The following AGBL4 variants were observed in gnomAD, a reference collection of about 807,000 sequenced individuals.
AGBL4 encodes the protein cytosolic carboxypeptidase 6.
AGBL4 carries 58 observed loss-of-function variants against 66.4 expected under a neutral mutation model. The ratio of observed to expected loss-of-function variants is 0.87; its 90% CI spans 0.71 to 1.09. The LOEUF (loss-of-function observed/expected upper bound fraction) is 1.09. Among genes scored for constraint, AGBL4 ranks in the 50% least tolerant of loss-of-function variants. The pLI is 0.00. For synonymous variants in AGBL4, 234 were observed against 222.9 expected, an observed-to-expected ratio of 1.05 and a Z score of -0.44; for missense variants, 579 against 631.0, an observed-to-expected ratio of 0.92 and a Z score of 0.88.
At chr1:49,407,430 G>C (rs892186723) in intron 3 of AGBL4, among the ~76,000 whole-genome samples, 3 of 152,188 alleles carry the variant, frequency 2.0e-5, no homozygotes, top group Admixed American at 6.5e-5. Context: ...GGACTGCCAA[G>C]TCACAGTGCA....
At chr1:49,957,415 G>A (rs1318959620) in intron 1 of AGBL4, among the ~76,000 whole-genome samples, 1 of 151,858 alleles carries the variant, frequency 6.6e-6, no homozygotes, top group Non-Finnish European at 1.5e-5. Flanking sequence ...GGGTATCCTT[G>A]TTAACTTTCT....
At chr1:49,879,261 G>C (rs1647133582) in intron 1 of AGBL4, among the ~76,000 whole-genome samples, 3 of 150,230 alleles carry the variant, frequency 2.0e-5, no homozygotes, top group South Asian at 4.3e-4. Context: ...AGTCTCGATG[G>C]TCTTTACATT....
intron 2 of AGBL4, among the ~76,000 whole-genome samples, chr1:49,810,657 C>T (rs1299726074): frequency 6.6e-6 from 1 of 151,990 alleles, no homozygotes; most frequent in Admixed American, 6.6e-5. Flanking sequence ...GACTGGAATA[C>T]TGGGTAAATA....
intron 1 of AGBL4, among the ~76,000 whole-genome samples, chr1:49,884,370 T>C (rs780683249): frequency 6.6e-6 from 1 of 151,898 alleles, no homozygotes; most frequent in Non-Finnish European, 1.5e-5. Flanking sequence ...GTTATTATTA[T>C]TAGTCATCAT....
intron 4 of AGBL4, among the ~76,000 whole-genome samples, chr1:49,191,812 A>C (rs1204930258): frequency 6.6e-6 from 1 of 152,192 alleles, no homozygotes; most frequent in Non-Finnish European, 1.5e-5. Flanking sequence ...TTATGGCTAC[A>C]TAGTATTCCA....
In AGBL4 at chr1:50,023,564, C is replaced by A. The variant is rs146724821; in HGVS notation, c.34+199G>T. ...CACACTAACCCACACTCCCCTCCACCACCCGGACTTCGAGGTCCCTGCCCG... is the reference window on the plus strand; with the variant it reads ...CACACTAACCCACACTCCCCTCCACAACCCGGACTTCGAGGTCCCTGCCCG... On this transcript the variant is annotated intron_variant, in intron 1 of 13. Transcript: ENST00000371839. 3.1e-3 allele frequency among the ~76,000 whole-genome samples: 469 copies of A among 152,344 alleles called. 4 individuals carry two copies. The highest frequency in any genetic ancestry group is 0.011 in the African/African-American group (454 of 41,590).
intron 4 of AGBL4, among the ~76,000 whole-genome samples, chr1:49,236,887 C>A (rs1394607453): frequency 1.3e-5 from 2 of 152,096 alleles, no homozygotes; most frequent in African/African-American, 4.8e-5. Context: ...ATGGGAGAAA[C>A]CTCGGTGGGG....
chr1:49,407,011 G>A (rs910047557), intron 3 of AGBL4, among the ~76,000 whole-genome samples: 4 of 136,990 alleles, frequency 2.9e-5, no homozygotes, highest in African/African-American at 5.7e-5. Flanking sequence ...CTTGCAGTGA[G>A]CCGAGATAAC....
At chr1:49,758,405 T>C (rs886385349) in intron 2 of AGBL4, among the ~76,000 whole-genome samples, 1 of 151,938 alleles carries the variant, frequency 6.6e-6, no homozygotes, top group Non-Finnish European at 1.5e-5. Context: ...CACCATCCTC[T>C]AGACCCCAGA....
At chr1:49,521,626 C>A (rs1199632488) in intron 3 of AGBL4, among the ~76,000 whole-genome samples, 1 of 151,898 alleles carries the variant, frequency 6.6e-6, no homozygotes, top group Non-Finnish European at 1.5e-5. Context: ...TAAAAATGGA[C>A]CCCTATCTTT....
At chr1:49,804,978 A>G (rs555988897) in intron 2 of AGBL4, among the ~76,000 whole-genome samples, 1 of 152,324 alleles carries the variant, frequency 6.6e-6, no homozygotes, top group African/African-American at 2.4e-5. Flanking sequence ...ATGACTCTAA[A>G]GCACATCACG....
At position 48,761,521 on chromosome 1, in the gene AGBL4, T is replaced by C. The variant is rs762876838; in HGVS notation, c.635-98280A>G. 2.6e-4 allele frequency: 395 copies of C among 1,522,318 alleles called. 1 individual carries two copies. The highest frequency in any genetic ancestry group is 3.2e-4 in the Non-Finnish European group (364 of 1,131,968). The allele number at this position is 1,522,318 out of a possible 1,614,324, so 94.3% of individuals were successfully genotyped here. ...GTTCATCATGAGTTAAAATGAGTCATTATGAGTTTAGAATGCCCAAAACCT... is the reference window on the plus strand; with the variant it reads ...GTTCATCATGAGTTAAAATGAGTCACTATGAGTTTAGAATGCCCAAAACCT... On this transcript the variant is annotated intron_variant, in intron 6 of 13. Coordinates refer to ENST00000371839, the MANE Select transcript of AGBL4 (RefSeq NM_032785.4).
Position 49,204,579 on chromosome 1 carries a change from C to G in AGBL4, c.377+41191G>C, listed in dbSNP as rs549347781. On this transcript the variant is annotated intron_variant, in intron 4 of 13. Transcript: ENST00000371839. The stretch of plus-strand genomic sequence containing the variant: ...ACAGGTGTGAGCCTCTGTGACTAGT[C>G]CCAAGATAAGGGAAATGATAATCGT... 5.9e-5 allele frequency among the ~76,000 whole-genome samples: 9 copies of G among 152,200 alleles called. No individual in the cohort carries two copies. The East Asian group carries it at 1.7e-3, about 30-fold the overall frequency.
chr1:49,817,996 G>A (rs1008180560), intron 2 of AGBL4, among the ~76,000 whole-genome samples: 5 of 152,028 alleles, frequency 3.3e-5, no homozygotes, highest in African/African-American at 1.2e-4. Flanking sequence ...AAGTTGTCAG[G>A]AGAAAATATA....
chr1:48,890,569 T>C (rs985214146), intron 5 of AGBL4, among the ~76,000 whole-genome samples: 33 of 152,124 alleles, frequency 2.2e-4, no homozygotes, highest in African/African-American at 7.5e-4. Flanking sequence ...TTGGAGTCAG[T>C]GATATTCTTG....
intron 2 of AGBL4, among the ~76,000 whole-genome samples, chr1:49,699,668 T>A (rs554712753): frequency 4.6e-5 from 7 of 151,858 alleles, no homozygotes; most frequent in Non-Finnish European, 1.0e-4. Context: ...ACTTGACTTA[T>A]ATGTAGAATC....
chr1:48,589,983 C>T (rs1228546004), intron 10 of AGBL4, among the ~76,000 whole-genome samples: 2 of 152,198 alleles, frequency 1.3e-5, no homozygotes, highest in African/African-American at 4.8e-5. Flanking sequence ...AACAGTAGCT[C>T]ATGCCTGTAA....
intron 1 of AGBL4, among the ~76,000 whole-genome samples, chr1:49,970,558 T>C (rs1360340266): frequency 6.6e-6 from 1 of 151,780 alleles, no homozygotes; most frequent in African/African-American, 2.4e-5. Flanking sequence ...TAGCCAGGTG[T>C]GGTGGTGCAT....
intron 4 of AGBL4, among the ~76,000 whole-genome samples, chr1:49,200,374 C>T (rs1407270857): frequency 6.6e-6 from 1 of 152,218 alleles, no homozygotes; most frequent in Non-Finnish European, 1.5e-5. Flanking sequence ...CCCCTACATA[C>T]ATCAAGGAAG....
Sources: allele counts gnomAD v4.1 joint callset (sites outside exome capture counted in the v4.1 genomes callset), GRCh38; gene constraint gnomAD v4.1.1; transcripts MANE v1.5; gene names NCBI Gene and HGNC (gene_info 2026-07-23, HGNC 2026-07-21).